The following PCBP3 variants were observed in gnomAD, a reference collection of about 807,000 sequenced individuals.
PCBP3 encodes poly(rC) binding protein 3.
In PCBP3, 25 loss-of-function variants were observed where a neutral mutation model predicts 52.7. That is an observed-to-expected ratio of 0.47 (90% CI 0.35 to 0.66). PCBP3 has a LOEUF of 0.66. PCBP3 is among the 30% of genes least tolerant of loss of function. The probability of loss-of-function intolerance (pLI) is 0.01; values close to 1 mark genes in which losing one functional copy is unlikely to be tolerated. For synonymous variants in PCBP3, 162 were observed against 183.0 expected, an observed-to-expected ratio of 0.89 and a Z score of 0.93; for missense variants, 391 against 490.3, an observed-to-expected ratio of 0.80 and a Z score of 1.91.
At chr21:45,774,604 TAGAG>T (rs1458235924) in intron 4 of PCBP3, among the ~76,000 whole-genome samples, 1 of 152,162 alleles carries the variant, frequency 6.6e-6, no homozygotes, top group Non-Finnish European at 1.5e-5. Context: ...TTCTAATTCT[TAGAG>T]AGAACACTCT....
intron 2 of PCBP3, among the ~76,000 whole-genome samples, chr21:45,713,716 C>T (rs1453002766): frequency 6.6e-6 from 1 of 152,216 alleles, no homozygotes; most frequent in Non-Finnish European, 1.5e-5. Context: ...GAGCACCTGC[C>T]ATTCCAGCAG....
In PCBP3 at chr21:45,652,622, T is replaced by C. The variant is rs564246721; in HGVS notation, c.-279+8754T>C. The stretch of plus-strand genomic sequence containing the variant: ...ACGCCTGGCTAATTTTTGTATTTTT[T>C]AGTAGAGACGGGGTTTCACCATGTT... On this transcript the variant is annotated intron_variant, in intron 1 of 17. Transcript: ENST00000681687. Among the ~76,000 whole-genome samples the C allele has an allele frequency of 1.3e-4, 20 of 152,242 alleles. No homozygotes were observed. The East Asian group carries it at 3.9e-3, about 29-fold the overall frequency.
chr21:45,931,801 C>G (rs1254041371), intron 15 of PCBP3, among the ~76,000 whole-genome samples: 2 of 152,110 alleles, frequency 1.3e-5, no homozygotes, highest in Non-Finnish European at 2.9e-5. Flanking sequence ...GCCATGCTGT[C>G]CTGAGATGAA....
chr21:45,794,503 A>G (rs766810875), intron 4 of PCBP3, among the ~76,000 whole-genome samples: 2 of 152,270 alleles, frequency 1.3e-5, no homozygotes, highest in Non-Finnish European at 2.9e-5. Context: ...GAACGAAGAA[A>G]ACCTCATCAA....
rs373521017 is a variant in PCBP3 at position 45,917,540 on chromosome 21, C to T, written c.676-48C>T. ...TGGAGGGTGGCGGCGGGTGCTGAGCCGTGGTGCAGCCAGGTTGCAGTCTGA... is the reference window on the plus strand; with the variant it reads ...TGGAGGGTGGCGGCGGGTGCTGAGCTGTGGTGCAGCCAGGTTGCAGTCTGA... On this transcript the variant is annotated intron_variant, in intron 12 of 17. Transcript: ENST00000681687. The surrounding 1 kb of genome is among the most constrained non-coding windows in gnomAD (Gnocchi z 5.3). The T allele has an allele frequency of 8.3e-5, 128 of 1,535,208 alleles. No individual in the cohort carries two copies. In the African/African-American group the frequency reaches 8.7e-4, roughly 10 times the overall value.
intron 4 of PCBP3, chr21:45,760,610 G>A (rs2088540364): frequency 6.6e-6 from 1 of 152,120 alleles, no homozygotes; most frequent in Admixed American, 6.5e-5. Flanking sequence ...GCTTTGATAA[G>A]TTATGTAATT....
intron 1 of PCBP3, among the ~76,000 whole-genome samples, chr21:45,645,224 C>A (rs1039038949): frequency 5.1e-5 from 5 of 97,414 alleles, no homozygotes; most frequent in Non-Finnish European, 9.9e-5. Flanking sequence ...ACTGATGTCT[C>A]ACTTTCGAGC....
At chr21:45,693,635 A>G (rs2082609642) in intron 2 of PCBP3, among the ~76,000 whole-genome samples, 1 of 152,168 alleles carries the variant, frequency 6.6e-6, no homozygotes. Flanking sequence ...ACAAATGGAT[A>G]AAAAGATGAA....
chr21:45,899,213 A>G lies in PCBP3; in HGVS notation c.166-386A>G, dbSNP rs77775618. 1.3e-3 allele frequency among the ~76,000 whole-genome samples: 191 copies of G among 152,296 alleles called. 5 individuals carry two copies. In the East Asian group the frequency reaches 0.02, roughly 16 times the overall value. ...GCAATTGCAGTGCTAAGTTTTCTTT[A>G]AGTCACACAATTGAAGGAGGCTTTA... On this transcript the variant is annotated intron_variant, in intron 6 of 17. Coordinates refer to ENST00000681687, the MANE Select transcript of PCBP3 (RefSeq NM_001384156.1).
chr21:45,678,778 A>G (rs1451166026), intron 2 of PCBP3, among the ~76,000 whole-genome samples: 1 of 151,846 alleles, frequency 6.6e-6, no homozygotes, highest in Non-Finnish European at 1.5e-5. Flanking sequence ...GAATATTAAT[A>G]TTACATAAGC....
intron 2 of PCBP3, among the ~76,000 whole-genome samples, chr21:45,722,240 G>C (rs906127599): frequency 1.3e-5 from 2 of 152,174 alleles, no homozygotes; most frequent in Non-Finnish European, 2.9e-5. Context: ...ACCTAAGTCA[G>C]TAATGTATGT....
chr21:45,730,176 C>G (rs1438640522), intron 2 of PCBP3, among the ~76,000 whole-genome samples: 1 of 151,624 alleles, frequency 6.6e-6, no homozygotes, highest in East Asian at 1.9e-4. Flanking sequence ...GTTGATTTCC[C>G]TCTTGGTACT....
intron 4 of PCBP3, among the ~76,000 whole-genome samples, chr21:45,779,369 C>A (rs1237385522): frequency 6.6e-6 from 1 of 152,204 alleles, no homozygotes; most frequent in Non-Finnish European, 1.5e-5. Flanking sequence ...TCTCACTCAG[C>A]CTTTCCTTGT....
chr21:45,797,742 TCC>T (rs2092032671), intron 4 of PCBP3, among the ~76,000 whole-genome samples: 8 of 124,032 alleles, frequency 6.4e-5, no homozygotes, highest in South Asian at 2.9e-4. Context: ...AGTGCGTGGA[TCC>T]ATAGAGAGAG....
chr21:45,765,276 T>A (rs2089198751), intron 4 of PCBP3, among the ~76,000 whole-genome samples: 1 of 152,176 alleles, frequency 6.6e-6, no homozygotes, highest in Admixed American at 6.5e-5. Context: ...GTGGCCAGGC[T>A]GGGGCCTGGG....
At chr21:45,838,266 C>T (rs959397142) in intron 4 of PCBP3, among the ~76,000 whole-genome samples, 6 of 152,212 alleles carry the variant, frequency 3.9e-5, no homozygotes, top group African/African-American at 7.2e-5. Flanking sequence ...GGGCTCCCCT[C>T]GCTTTCTGAT....
At chr21:45,835,768 C>G (rs1339697703) in intron 4 of PCBP3, among the ~76,000 whole-genome samples, 1 of 152,080 alleles carries the variant, frequency 6.6e-6, no homozygotes, top group Non-Finnish European at 1.5e-5. Flanking sequence ...GCCACACCTG[C>G]CAGCTTGGGC....
At chr21:45,938,188 C>G (rs531326456) in intron 16 of PCBP3, among the ~76,000 whole-genome samples, 2 of 152,348 alleles carry the variant, frequency 1.3e-5, no homozygotes, top group South Asian at 4.1e-4. Context: ...CCAGCAGGCT[C>G]CGAGGAGAGA....
chr21:45,714,069 A>T (rs10483081), intron 2 of PCBP3, among the ~76,000 whole-genome samples: 7,593 of 152,140 alleles, frequency 0.05, 399 homozygotes, highest in East Asian at 0.12. Context: ...TAGTTCCCAC[A>T]CACTCTTCTG....
Sources: gnomAD v4.1 joint callset for allele counts (sites outside exome capture counted in the v4.1 genomes callset) on GRCh38, gnomAD v4.1.1 for gene constraint, Gnocchi (gnomAD v3.1) non-coding constraint, MANE v1.5 for transcripts, NCBI Gene and HGNC (gene_info 2026-07-23, HGNC 2026-07-21) for gene names.